OTC: variants seen among roughly 807,000 people sequenced by gnomAD.
OTC encodes the protein ornithine transcarbamylase, mitochondrial.
In OTC, 3 loss-of-function variants were observed where a neutral mutation model predicts 30.3. The ratio of observed to expected loss-of-function variants is 0.10; its 90% confidence interval spans 0.05 to 0.26. The LOEUF is 0.26. OTC is among the 10% of genes least tolerant of loss of function. The pLI, the probability that OTC is intolerant of heterozygous loss-of-function variation, is 1.00. For missense variants in OTC, 194 were observed against 260.3 expected, an observed-to-expected ratio of 0.75 and a Z score of 1.75; for synonymous variants, 111 against 99.7, an observed-to-expected ratio of 1.11 and a Z score of -0.67.
At position 38,380,886 on chromosome X, in the gene OTC, G is replaced by A. The variant is rs1406470243; in HGVS notation, c.299-456G>A. On this transcript the variant is annotated intron_variant, in intron 3 of 9. Coordinates refer to ENST00000039007, the MANE Select transcript of OTC (RefSeq NM_000531.6). The stretch of plus-strand genomic sequence containing the variant: ...TGGGATTACAGGCGCCTGCCACCAC[G>A]TCCGGCTAATTTTTGTATTTTTAGT... Among the ~76,000 whole-genome samples the A allele has an allele frequency of 2.7e-5, 3 of 111,050 alleles. No individual in the cohort carries two copies. In the East Asian group the frequency reaches 8.5e-4, roughly 31 times the overall value.
At chrX:38,377,779 C>T (rs1470199801) in intron 3 of OTC, among the ~76,000 whole-genome samples, 2 of 111,995 alleles carry the variant, frequency 1.8e-5, no homozygotes, top group South Asian at 3.7e-4. Context: ...GCCTTCTCCC[C>T]AGCTTCCTTC....
At position 38,358,199 on chromosome X, in the gene OTC, C is replaced by A. The variant is rs774758541; in HGVS notation, c.77+5426C>A. Among the ~76,000 whole-genome samples, 5 of 110,553 alleles carry A rather than the reference C, an allele frequency of 4.5e-5. No individual in the cohort carries two copies. In the South Asian group the frequency reaches 1.9e-3, roughly 43 times the overall value. ...GGAACTTAATAGCCATTGATGCCAGCAGTCTTACCTGGCTAATTCAAGCGT... is the reference window on the plus strand; with the variant it reads ...GGAACTTAATAGCCATTGATGCCAGAAGTCTTACCTGGCTAATTCAAGCGT... On this transcript the variant is annotated intron_variant, in intron 1 of 9. Coordinates refer to ENST00000039007, the MANE Select transcript of OTC (RefSeq NM_000531.6).
At chrX:38,332,604 T>C in the OTC span, among the ~76,000 whole-genome samples, 2 of 102,519 alleles carry the variant, frequency 2.0e-5, no homozygotes, top group Admixed American at 2.2e-4. Flanking sequence ...GCAAAACTTA[T>C]AGCTTGGTGC....
At chrX:38,378,539 A>G (rs2068360556) in intron 3 of OTC, among the ~76,000 whole-genome samples, 1 of 111,711 alleles carries the variant, frequency 9.0e-6, no homozygotes, top group Non-Finnish European at 1.9e-5. Context: ...TGCTAGAGCA[A>G]CCAGATATAT....
intron 5 of OTC, among the ~76,000 whole-genome samples, chrX:38,401,938 A>C (rs2068491407): frequency 8.9e-6 from 1 of 111,835 alleles, no homozygotes; most frequent in African/African-American, 3.3e-5. Flanking sequence ...TTGGGGCTCA[A>C]ATTTAGCCAT....
chrX:38,344,240 T>TAC, the OTC span, among the ~76,000 whole-genome samples: 4,516 of 61,625 alleles, frequency 0.073, 113 homozygotes, highest in African/African-American at 0.1. Flanking sequence ...TATATATATA[T>TAC]ACACACACAC....
At chrX:38,415,837 A>G (rs944687277) in intron 9 of OTC, among the ~76,000 whole-genome samples, 2 of 112,446 alleles carry the variant, frequency 1.8e-5, no homozygotes, top group Non-Finnish European at 3.8e-5. Context: ...CCTGGGCGAC[A>G]GAGCAAGACT....
the OTC span, among the ~76,000 whole-genome samples, chrX:38,342,124 A>G: frequency 1.9e-5 from 2 of 104,293 alleles, no homozygotes; most frequent in African/African-American, 3.6e-5. Context: ...GGTTCAAGCA[A>G]TTCTCCTGCC....
chrX:38,351,212 C>T (rs1412012017), upstream of OTC, among the ~76,000 whole-genome samples: 1 of 112,009 alleles, frequency 8.9e-6, no homozygotes, highest in Non-Finnish European at 1.9e-5. Context: ...ATATTTATTT[C>T]TCTACTAGTA....
chrX:38,388,204 GT>G lies in OTC; in HGVS notation c.386+6779del, dbSNP rs781263705. Among the ~76,000 whole-genome samples, 299 of 111,952 alleles carry G rather than the reference GT, an allele frequency of 2.7e-3. 2 individuals are homozygous for G. Among genetic ancestry groups the G allele is most frequent in the African/African-American group, 9.3e-3 (288 of 30,819 alleles). ...GGAAGACAGCCTTAAGATTTGAGTT[GT>G]TTTCTTGCTTCAGCATGGATCCCTG... On this transcript the variant is annotated intron_variant, in intron 4 of 9. Transcript: ENST00000039007.
At chrX:38,337,254 T>C in the OTC span, among the ~76,000 whole-genome samples, 1 of 112,611 alleles carries the variant, frequency 8.9e-6, no homozygotes, top group East Asian at 2.8e-4. Flanking sequence ...TTTCCTTGGC[T>C]GCTCTTTATG....
chrX:38,328,232 C>T, the OTC span, among the ~76,000 whole-genome samples: 2,450 of 112,290 alleles, frequency 0.022, 34 homozygotes, highest in African/African-American at 0.055. Flanking sequence ...AGCAGATTTA[C>T]GTACGTTTGG....
At chrX:38,377,719 C>T (rs1297958030) in intron 3 of OTC, among the ~76,000 whole-genome samples, 1 of 111,878 alleles carries the variant, frequency 8.9e-6, no homozygotes, top group Non-Finnish European at 1.9e-5. Context: ...CTCCTCTGCT[C>T]CAAGCCTTAA....
chrX:38,411,740 C>T (rs998941247), intron 8 of OTC, 122 bp from the exon 9 acceptor site: 2 of 645,973 alleles, frequency 3.1e-6, no homozygotes, highest in African/African-American at 4.3e-5. Flanking sequence ...CACTCTGCTC[C>T]TTTGTCTCTC....
upstream of OTC, among the ~76,000 whole-genome samples, chrX:38,350,327 T>A (rs1211025617): frequency 8.9e-6 from 1 of 111,979 alleles, no homozygotes; most frequent in African/African-American, 3.2e-5. Flanking sequence ...CACAGAGGAT[T>A]GGCTTATGAT....
intron 4 of OTC, among the ~76,000 whole-genome samples, chrX:38,385,670 T>C (rs1392136231): frequency 4.8e-5 from 5 of 104,289 alleles, no homozygotes; most frequent in Non-Finnish European, 1.0e-4. Context: ...AACCTGATTT[T>C]TTTTTAAAAA....
intron 5 of OTC, among the ~76,000 whole-genome samples, chrX:38,403,067 C>T (rs2068497244): frequency 9.0e-6 from 1 of 111,656 alleles, no homozygotes; most frequent in Non-Finnish European, 1.9e-5. Context: ...CCACCTTGGT[C>T]TCCCAAAGTG....
chrX:38,376,570 G>T (rs2068349047), intron 3 of OTC, among the ~76,000 whole-genome samples: 1 of 112,022 alleles, frequency 8.9e-6, no homozygotes, highest in Non-Finnish European at 1.9e-5. Flanking sequence ...CAGTGAGGTA[G>T]AAAGCAAGGT....
At chrX:38,370,415 C>T (rs2068317773) in intron 3 of OTC, among the ~76,000 whole-genome samples, 1 of 111,776 alleles carries the variant, frequency 8.9e-6, no homozygotes, top group Non-Finnish European at 1.9e-5. Context: ...GTCATTAGAA[C>T]ATCATCATCA....
Sources: allele counts gnomAD v4.1 joint callset (sites outside exome capture counted in the v4.1 genomes callset), GRCh38; gene constraint gnomAD v4.1.1; transcripts MANE v1.5; gene names NCBI Gene and HGNC (gene_info 2026-07-23, HGNC 2026-07-21).